The following FNBP4 variants were observed in gnomAD, a reference collection of about 807,000 sequenced individuals.
FNBP4 encodes the protein formin binding protein 4.
In FNBP4, 34 loss-of-function variants were observed where a neutral mutation model predicts 119.3. The ratio of observed to expected loss-of-function variants is 0.28; its 90% CI spans 0.22 to 0.38. FNBP4 has a LOEUF of 0.38. Among genes scored for constraint, FNBP4 ranks in the 10% least tolerant of loss-of-function variants. FNBP4 has a pLI of 1.00. For missense variants in FNBP4, 1,112 were observed against 1,228.9 expected (o/e 0.90, Z 1.42); for synonymous variants, 462 against 430.6 (o/e 1.07, Z -0.90).
chr11:47,760,524 C>T (rs6485778), intron 2 of FNBP4, among the ~76,000 whole-genome samples: 52,280 of 151,090 alleles, frequency 0.35, 10,481 homozygotes, highest in South Asian at 0.52. Context: ...CTCTGCCTCC[C>T]GTGTTCAAGC....
chr11:47,763,601 C>T (rs1217675698), intron 2 of FNBP4, among the ~76,000 whole-genome samples: 2 of 151,604 alleles, frequency 1.3e-5, no homozygotes, highest in African/African-American at 2.4e-5. Flanking sequence ...CCCGGGTTCA[C>T]GCCATTCTCC....
At chr11:47,735,299 A>G (rs78447819) in intron 9 of FNBP4, among the ~76,000 whole-genome samples, 5,072 of 152,272 alleles carry the variant, frequency 0.033, 285 homozygotes, top group African/African-American at 0.12. Context: ...TTAATTGCTT[A>G]TATTAGCCAC....
At chr11:47,736,401 C>A (rs1310905993) in intron 9 of FNBP4, among the ~76,000 whole-genome samples, 1 of 150,864 alleles carries the variant, frequency 6.6e-6, no homozygotes, top group Non-Finnish European at 1.5e-5. Context: ...ACTAAAAATA[C>A]AAAAATTAGC....
chr11:47,736,354 G>A (rs1179732704), intron 9 of FNBP4, among the ~76,000 whole-genome samples: 4 of 151,958 alleles, frequency 2.6e-5, no homozygotes, highest in South Asian at 2.1e-4. Context: ...CCAGGAGTTC[G>A]AGACCGGCCT....
intron 2 of FNBP4, 103 bp downstream of exon 2, chr11:47,765,167 T>A: frequency 1.4e-6 from 1 of 704,982 alleles, no homozygotes; most frequent in South Asian, 1.9e-5. Flanking sequence ...GAAATAATGT[T>A]AGCAACACTA....
intron 2 of FNBP4, among the ~76,000 whole-genome samples, chr11:47,759,415 T>C (rs1355141819): frequency 2.6e-5 from 4 of 151,802 alleles, no homozygotes; most frequent in Non-Finnish European, 5.9e-5. Flanking sequence ...GGTTTCACCA[T>C]GTTGGCCAGG....
chr11:47,759,094 AC>A (rs2097626956), intron 2 of FNBP4, among the ~76,000 whole-genome samples: 1 of 151,666 alleles, frequency 6.6e-6, no homozygotes, highest in African/African-American at 2.4e-5. Context: ...TAATTTTCGT[AC>A]TTTTAGTAGA....
intron 2 of FNBP4, among the ~76,000 whole-genome samples, chr11:47,760,448 T>C (rs1253726213): frequency 6.6e-6 from 1 of 151,372 alleles, no homozygotes; most frequent in Admixed American, 6.6e-5. Flanking sequence ...TTTTTTTTTT[T>C]TTGGAGATGG....
At chr11:47,755,696 T>C (rs1599249977) in intron 2 of FNBP4, among the ~76,000 whole-genome samples, 1 of 147,960 alleles carries the variant, frequency 6.8e-6, no homozygotes. Context: ...ACGGCTGAGG[T>C]GCAAGGATAG....
rs575767483 is a variant in FNBP4 at position 47,747,265 on chromosome 11, T to C, written c.907-871A>G. Reference sequence around the variant, plus strand: ...TTCTTGCCCAGGCTGGAGTGCAAAGTGTGATGTCGGCTCACTGCAACGTCT... The same window carrying C: ...TTCTTGCCCAGGCTGGAGTGCAAAGCGTGATGTCGGCTCACTGCAACGTCT... On this transcript the variant is annotated intron_variant, in intron 6 of 16. Transcript: ENST00000263773. 4.6e-5 allele frequency among the ~76,000 whole-genome samples: 7 copies of C among 152,178 alleles called. No individual in the cohort carries two copies. In the South Asian group the frequency reaches 8.3e-4, roughly 18 times the overall value.
At chr11:47,720,561 G>A (rs113847699) in intron 15 of FNBP4, among the ~76,000 whole-genome samples, 17 of 146,236 alleles carry the variant, frequency 1.2e-4, no homozygotes, top group African/African-American at 3.0e-4. Context: ...GGGAGACTCC[G>A]TCTCAAAAAA....
At chr11:47,722,642 G>A (rs1166542470) in intron 15 of FNBP4, among the ~76,000 whole-genome samples, 7 of 151,882 alleles carry the variant, frequency 4.6e-5, no homozygotes, top group Non-Finnish European at 7.4e-5. Flanking sequence ...CCAGGCTGGA[G>A]TGCAGTGCTG....
intron 2 of FNBP4, 118 bp from the exon 3 acceptor site, chr11:47,754,782 G>A (rs2097612939): frequency 4.8e-6 from 5 of 1,034,228 alleles, no homozygotes; most frequent in Admixed American, 5.3e-5. Context: ...GAACATAACC[G>A]CAAAACTAAT....
chr11:47,741,824 T>A (rs200526620), intron 8 of FNBP4, among the ~76,000 whole-genome samples: 11 of 127,702 alleles, frequency 8.6e-5, no homozygotes, highest in East Asian at 7.3e-4. Flanking sequence ...CAAAAAAAAA[T>A]AAAAAAATAA....
chr11:47,766,287 C>T (rs1327933866), intron 1 of FNBP4, among the ~76,000 whole-genome samples: 1 of 151,996 alleles, frequency 6.6e-6, no homozygotes, highest in African/African-American at 2.4e-5. Context: ...TGCACTCCAG[C>T]CTGGGCGACA....
intron 2 of FNBP4, among the ~76,000 whole-genome samples, chr11:47,760,771 C>T (rs904475605): frequency 2.0e-5 from 3 of 152,068 alleles, no homozygotes; most frequent in Admixed American, 1.3e-4. Flanking sequence ...CACCATGTTG[C>T]CAGGCTGGTC....
At chr11:47,736,493 G>A in intron 9 of FNBP4, 123 bp downstream of exon 9, 1 of 699,140 alleles carries the variant, frequency 1.4e-6, no homozygotes, top group South Asian at 2.0e-5. Flanking sequence ...GAGGCAGGCA[G>A]AGGTTGCAGT....
intron 8 of FNBP4, among the ~76,000 whole-genome samples, chr11:47,738,501 GTTGCAGTGAGCCGAGA>G (rs1300712295): frequency 6.6e-6 from 1 of 151,996 alleles, no homozygotes; most frequent in East Asian, 1.9e-4. Context: ...GGAGGTGGAG[GTTGCAGTGAGCCGAGA>G]TTGCACCATT....
At position 47,738,197 on chromosome 11, in the gene FNBP4, A is replaced by G. The variant is rs2097576823; in HGVS notation, c.1457-1457T>C. On this transcript the variant is annotated intron_variant, in intron 8 of 16. Transcript: ENST00000263773. ...ACCAACTTAAAACGGAGCACACAAT[A>G]TGAACTCTTTTATCTTTGCTTTCCA... Among the ~76,000 whole-genome samples, 4 of 152,216 alleles carry G rather than the reference A, an allele frequency of 2.6e-5. No homozygotes were observed. In the South Asian group the frequency reaches 8.3e-4, roughly 32 times the overall value.
Sources: gnomAD v4.1 joint callset for allele counts (sites outside exome capture counted in the v4.1 genomes callset) on GRCh38, gnomAD v4.1.1 for gene constraint, MANE v1.5 for transcripts, NCBI Gene and HGNC (gene_info 2026-07-23, HGNC 2026-07-21) for gene names.